The following BICD1 variants were observed in gnomAD, a reference collection of about 807,000 sequenced individuals.
BICD1 encodes the protein BICD cargo adaptor 1.
In BICD1, 35 loss-of-function variants were observed where a neutral mutation model predicts 92.5. That is an observed-to-expected ratio of 0.38 (90% CI 0.29 to 0.50). BICD1 has a LOEUF of 0.50. Ranked by LOEUF, BICD1 falls within the 20% of genes least tolerant of loss-of-function variation. BICD1 has a pLI of 0.93. For synonymous variants in BICD1, 429 were observed against 465.1 expected (o/e 0.92, Z 1.00); for missense variants, 950 against 1,189.8 (o/e 0.80, Z 2.97).
At chr12:32,223,516 C>CAAAAAAAAAAA (rs60536204) in intron 2 of BICD1, among the ~76,000 whole-genome samples, 1 of 103,442 alleles carries the variant, frequency 9.7e-6, no homozygotes. Flanking sequence ...GACTTTGTCT[C>CAAAAAAAAAAA]AAAAAAAAAA....
chr12:32,150,885 A>ATTGACTCTTC (rs1464515871), intron 1 of BICD1, among the ~76,000 whole-genome samples: 2 of 152,188 alleles, frequency 1.3e-5, no homozygotes, highest in Non-Finnish European at 2.9e-5. Flanking sequence ...TGGCAAATTC[A>ATTGACTCTTC]TTGACTCTTC....
intron 1 of BICD1, among the ~76,000 whole-genome samples, chr12:32,212,403 A>G (rs982265932): frequency 1.7e-4 from 26 of 152,318 alleles, no homozygotes; most frequent in African/African-American, 6.3e-4. Flanking sequence ...AGCGTAGCCC[A>G]GAAGCAATAT....
At chr12:32,276,067 T>C (rs792861) in intron 2 of BICD1, among the ~76,000 whole-genome samples, 97,492 of 151,726 alleles carry the variant, frequency 0.64, 31,652 homozygotes, top group African/African-American at 0.72. Flanking sequence ...TTGGCGACCA[T>C]GAAGGGACCT....
At chr12:32,370,196 G>A (rs1327761113) in intron 9 of BICD1, among the ~76,000 whole-genome samples, 2 of 151,890 alleles carry the variant, frequency 1.3e-5, no homozygotes, top group Non-Finnish European at 1.5e-5. Flanking sequence ...GTGAAACCCC[G>A]TCTCTACTAA....
chr12:32,243,916 CCTAAATGG>C (rs1441263677), intron 2 of BICD1, among the ~76,000 whole-genome samples: 1 of 152,078 alleles, frequency 6.6e-6, no homozygotes, highest in Admixed American at 6.6e-5. Context: ...AAAATCTTCC[CCTAAATGG>C]CTAAATGTCC....
At chr12:32,165,471 G>C (rs531644114) in intron 1 of BICD1, among the ~76,000 whole-genome samples, 1 of 152,034 alleles carries the variant, frequency 6.6e-6, no homozygotes, top group African/African-American at 2.4e-5. Flanking sequence ...AGCCGAGATC[G>C]AGCCACTGCA....
intron 5 of BICD1, among the ~76,000 whole-genome samples, chr12:32,334,056 A>G (rs1190564347): frequency 6.6e-6 from 1 of 152,278 alleles, no homozygotes; most frequent in South Asian, 2.1e-4. Context: ...CTTTTATTCT[A>G]TGTTTTGGGC....
chr12:32,307,899 T>C (rs901466746), intron 4 of BICD1, among the ~76,000 whole-genome samples: 1 of 152,234 alleles, frequency 6.6e-6, no homozygotes, highest in Non-Finnish European at 1.5e-5. Flanking sequence ...ACTCTCATAT[T>C]GGTGGCTTTG....
rs576396740 is a variant in BICD1, at chr12:32,287,531, G to GTTTTT, written c.427-6456_427-6452dup. Among the ~76,000 whole-genome samples, 280 of 120,112 alleles carry GTTTTT rather than the reference G, an allele frequency of 2.3e-3. 4 individuals carry two copies. The highest frequency in any genetic ancestry group is 9.3e-3 in the East Asian group (42 of 4,530). The allele number at this position is 120,112 out of a possible 152,430, so 78.8% of individuals were successfully genotyped here. ...TTTGGGCTGTGCTCAGCTGGGTGGT[G>GTTTTT]TTTTTTTTTTTGTTTTTTTTTTTGA... On this transcript the variant is annotated intron_variant, in intron 2 of 9. Transcript: ENST00000652176.
rs200645288 is a variant in BICD1, at chr12:32,306,054, C to A, written c.937C>A (p.Pro313Thr). ...PTLRKGESLN[P>T]VSDLFSELNI... is the part of the protein sequence containing the mutation. ...CTTAAGGAAAGGAGAGTCTCTGAAC[C>A]CTGTCTCTGACTTATTCAGTGAGCT... The change falls in exon 4 of 10, where the codon CCT becomes ACT. Residue 313 changes from proline (P) to threonine (T), a missense_variant. This residue lies in a region of BICD1 where 246 missense variants were observed against 258.4 expected (regional missense o/e 0.95). Transcript: ENST00000652176. 5 of 1,613,782 alleles carry A rather than the reference C, an allele frequency of 3.1e-6. No homozygotes were observed. The Admixed American group carries it at 8.3e-5, about 27-fold the overall frequency.
chr12:32,155,399 G>A (rs1144712), intron 1 of BICD1, among the ~76,000 whole-genome samples: 6 of 152,246 alleles, frequency 3.9e-5, no homozygotes, highest in Admixed American at 2.6e-4. Context: ...GATTCAAATT[G>A]AACCTTTAAT....
chr12:32,137,151 T>A (rs1049672749), intron 1 of BICD1, among the ~76,000 whole-genome samples: 1 of 152,130 alleles, frequency 6.6e-6, no homozygotes, highest in African/African-American at 2.4e-5. Flanking sequence ...TGCAGTGGTG[T>A]GATTTCAGCT....
intron 2 of BICD1, among the ~76,000 whole-genome samples, chr12:32,252,872 T>G (rs919384609): frequency 6.6e-6 from 1 of 152,154 alleles, no homozygotes; most frequent in Non-Finnish European, 1.5e-5. Context: ...TTTTCTTTCG[T>G]TTTTTGTTTC....
intron 1 of BICD1, among the ~76,000 whole-genome samples, chr12:32,188,732 C>CTT (rs112355174): frequency 3.5e-5 from 5 of 144,214 alleles, no homozygotes; most frequent in African/African-American, 5.0e-5. Flanking sequence ...TCTTGAATTC[C>CTT]TTTTTTTTTT....
At chr12:32,339,180 A>G in intron 8 of BICD1, 2 of 1,297,322 alleles carry the variant, frequency 1.5e-6, no homozygotes, top group Non-Finnish European at 1.9e-6. Flanking sequence ...ACAGACTTCC[A>G]TTTAACAGCC....
intron 8 of BICD1, chr12:32,352,443 G>T (rs762913733): frequency 2.7e-5 from 4 of 150,260 alleles, no homozygotes; most frequent in Non-Finnish European, 5.9e-5. Flanking sequence ...ATGAGATTGC[G>T]CCACTGCACT....
intron 1 of BICD1, among the ~76,000 whole-genome samples, chr12:32,154,767 A>G (rs1943391490): frequency 6.6e-6 from 1 of 152,226 alleles, no homozygotes; most frequent in African/African-American, 2.4e-5. Context: ...GTAGATGTTC[A>G]TTTTCTTAGG....
rs544790498 is a variant in BICD1, at chr12:32,281,047, C to T, written c.427-12947C>T. On this transcript the variant is annotated intron_variant, in intron 2 of 9. Transcript: ENST00000652176. ...AAAACAAGTATGTAACTTTATTTAA[C>T]CTAATATTTCCCAAACTTTTTTTTA... is the stretch of plus-strand genomic sequence containing the variant. 6.9e-4 allele frequency among the ~76,000 whole-genome samples: 104 copies of T among 150,486 alleles called. No individual in the cohort carries two copies. The South Asian group carries it at 0.022, about 32-fold the overall frequency.
At chr12:32,293,239 C>T (rs535445558) in intron 2 of BICD1, among the ~76,000 whole-genome samples, 22 of 152,298 alleles carry the variant, frequency 1.4e-4, no homozygotes, top group African/African-American at 4.6e-4. Flanking sequence ...AATATGCATA[C>T]TAATCTATGA....
Sources: allele counts gnomAD v4.1 joint callset (sites outside exome capture counted in the v4.1 genomes callset), GRCh38; gene constraint gnomAD v4.1.1; regional missense constraint gnomAD v4.1.1; transcripts MANE v1.5; gene names NCBI Gene and HGNC (gene_info 2026-07-23, HGNC 2026-07-21).